The following MBNL1 variants were observed in gnomAD, a reference collection of about 807,000 sequenced individuals.
MBNL1 encodes the protein muscleblind like splicing regulator 1.
A neutral mutation model predicts 42.2 loss-of-function variants in MBNL1; 8 were observed. The ratio of observed to expected loss-of-function variants is 0.19; its 90% CI spans 0.11 to 0.34. MBNL1 has a LOEUF of 0.34. Among genes scored for constraint, MBNL1 ranks in the 10% least tolerant of loss-of-function variants. MBNL1 has a pLI of 1.00. For missense variants in MBNL1, 309 were observed against 495.3 expected (o/e 0.62, Z 3.57); for synonymous variants, 169 against 173.9 (o/e 0.97, Z 0.22).
At chr3:152,280,527 C>T (rs930092003) in intron 1 of MBNL1, among the ~76,000 whole-genome samples, 8 of 152,186 alleles carry the variant, frequency 5.3e-5, no homozygotes, top group East Asian at 1.9e-4. Context: ...TGGGCACATA[C>T]GGTTCATCTG....
intron 5 of MBNL1, among the ~76,000 whole-genome samples, chr3:152,445,972 T>C (rs1449149550): frequency 6.6e-6 from 1 of 152,212 alleles, no homozygotes; most frequent in Non-Finnish European, 1.5e-5. Flanking sequence ...TGGAACTATT[T>C]AGGAGAATTG....
chr3:152,362,290 A>G (rs2096025626), intron 2 of MBNL1, among the ~76,000 whole-genome samples: 1 of 152,194 alleles, frequency 6.6e-6, no homozygotes, highest in African/African-American at 2.4e-5. Flanking sequence ...GCGCGGATCC[A>G]CTGGCAGGAT....
At chr3:152,320,683 C>CTTTTTTTTTTT (rs528500683) in intron 2 of MBNL1, among the ~76,000 whole-genome samples, 3 of 129,074 alleles carry the variant, frequency 2.3e-5, no homozygotes, top group African/African-American at 2.9e-5. Context: ...TTTTTTCTTT[C>CTTTTTTTTTTT]TTTTTTTTTT....
chr3:152,427,106 C>T (rs1232351944), intron 3 of MBNL1, among the ~76,000 whole-genome samples: 1 of 152,190 alleles, frequency 6.6e-6, no homozygotes, highest in Non-Finnish European at 1.5e-5. Context: ...AGTAGTCTTT[C>T]ATCCATCCTG....
intron 2 of MBNL1, among the ~76,000 whole-genome samples, chr3:152,326,123 C>A (rs558203611): frequency 3.7e-4 from 56 of 152,152 alleles, no homozygotes; most frequent in African/African-American, 1.3e-3. Flanking sequence ...AAATTGACGA[C>A]AATTTTATTG....
At chr3:152,340,907 T>G in intron 2 of MBNL1, 1 of 1,603,714 alleles carries the variant, frequency 6.2e-7, no homozygotes, top group Non-Finnish European at 8.5e-7. Context: ...ATCTGCATTG[T>G]TCTCTTCTAA....
chr3:152,418,893 G>GA (rs894088568), intron 3 of MBNL1, among the ~76,000 whole-genome samples: 9 of 151,910 alleles, frequency 5.9e-5, no homozygotes, highest in African/African-American at 2.2e-4. Flanking sequence ...ATTTTTTATA[G>GA]TTTTTGTAGA....
intron 2 of MBNL1, among the ~76,000 whole-genome samples, chr3:152,393,818 C>T (rs1018372720): frequency 3.3e-5 from 5 of 152,132 alleles, no homozygotes; most frequent in Non-Finnish European, 7.4e-5. Flanking sequence ...ATAGTTGGCA[C>T]AGTGAATTTC....
chr3:152,314,874 C>T (rs570347494), intron 2 of MBNL1, among the ~76,000 whole-genome samples: 1 of 152,224 alleles, frequency 6.6e-6, no homozygotes, highest in Admixed American at 6.5e-5. Context: ...TTCTTGACAG[C>T]GTCTGTAACT....
At chr3:152,317,609 C>T (rs533327021) in intron 2 of MBNL1, among the ~76,000 whole-genome samples, 3 of 152,268 alleles carry the variant, frequency 2.0e-5, no homozygotes, top group African/African-American at 4.8e-5. Context: ...CGTGAGCCAC[C>T]GTGCCTGGCC....
intron 2 of MBNL1, among the ~76,000 whole-genome samples, chr3:152,321,053 T>C (rs1433766339): frequency 1.3e-5 from 2 of 152,114 alleles, no homozygotes; most frequent in Non-Finnish European, 2.9e-5. Context: ...CCTTATTTTT[T>C]CTCTCCAACA....
intron 1 of MBNL1, among the ~76,000 whole-genome samples, chr3:152,288,587 G>A (rs550850026): frequency 3.9e-5 from 6 of 152,184 alleles, no homozygotes; most frequent in Admixed American, 2.0e-4. Context: ...ATTAAAAAAA[G>A]CATTACCTTA....
chr3:152,354,292 AAAT>A (rs955790437), intron 2 of MBNL1, among the ~76,000 whole-genome samples: 6 of 152,026 alleles, frequency 3.9e-5, no homozygotes, highest in Admixed American at 2.0e-4. Context: ...CTGTCTCTAA[AAAT>A]AATAATAATA....
chr3:152,276,124 C>A (rs16864130), intron 1 of MBNL1, among the ~76,000 whole-genome samples: 7,037 of 151,978 alleles, frequency 0.046, 560 homozygotes, highest in East Asian at 0.31. Context: ...TTTTCATTTG[C>A]GGAGATATGA....
At chr3:152,389,171 C>G (rs1011083324) in intron 2 of MBNL1, among the ~76,000 whole-genome samples, 2 of 152,070 alleles carry the variant, frequency 1.3e-5, no homozygotes, top group African/African-American at 4.8e-5. Flanking sequence ...TCACCACAAC[C>G]TCCGCCTCCC....
intron 2 of MBNL1, among the ~76,000 whole-genome samples, chr3:152,252,056 C>G (rs921569933): frequency 5.3e-5 from 8 of 151,794 alleles, no homozygotes; most frequent in Admixed American, 2.6e-4. Context: ...TTTCTTTTTT[C>G]CATGACTCAA....
chr3:152,247,265 C>G (rs938090955), intron 2 of MBNL1, among the ~76,000 whole-genome samples: 5 of 151,956 alleles, frequency 3.3e-5, no homozygotes, highest in Non-Finnish European at 5.9e-5. Context: ...TTTGTGCCCT[C>G]CTGTGTTTGT....
intron 2 of MBNL1, among the ~76,000 whole-genome samples, chr3:152,374,290 G>T (rs1273011889): frequency 6.6e-6 from 1 of 152,094 alleles, no homozygotes; most frequent in Non-Finnish European, 1.5e-5. Flanking sequence ...TTTGTGGGAG[G>T]TCAGAGTTGG....
At chr3:152,254,268 T>C (rs771776373) in intron 2 of MBNL1, among the ~76,000 whole-genome samples, 1 of 152,124 alleles carries the variant, frequency 6.6e-6, no homozygotes, top group Non-Finnish European at 1.5e-5. Context: ...AGTTCTCTTT[T>C]TTTCTGTGCT....
Sources: allele counts gnomAD v4.1 joint callset (sites outside exome capture counted in the v4.1 genomes callset), GRCh38; gene constraint gnomAD v4.1.1; transcripts MANE v1.5; gene names NCBI Gene and HGNC (gene_info 2026-07-23, HGNC 2026-07-21).